SNX8: variants seen among roughly 807,000 people sequenced by gnomAD.
SNX8 encodes sorting nexin-8.
SNX8 carries 25 observed loss-of-function variants against 51.6 expected under a neutral mutation model. The observed-to-expected ratio is 0.48, with a 90% confidence interval of 0.35 to 0.68. The LOEUF is 0.68. SNX8 is among the 30% of genes least tolerant of loss of function. The pLI, the probability that SNX8 is intolerant of heterozygous loss-of-function variation, is 0.00. For synonymous variants in SNX8, 324 were observed against 277.0 expected (o/e 1.17, Z -1.68); for missense variants, 695 against 624.0 (o/e 1.11, Z -1.21).
intron 1 of SNX8, among the ~76,000 whole-genome samples, chr7:2,335,250 T>C (rs2115239801): frequency 6.6e-6 from 1 of 152,006 alleles, no homozygotes; most frequent in Non-Finnish European, 1.5e-5. Context: ...CAGAGGTTCA[T>C]GAACAGCCAA....
At chr7:2,305,002 C>G (rs1562449508) in intron 1 of SNX8, among the ~76,000 whole-genome samples, 1 of 152,182 alleles carries the variant, frequency 6.6e-6, no homozygotes, top group Non-Finnish European at 1.5e-5. Flanking sequence ...TGGCTTTTGG[C>G]TGAGAGTGAG....
intron 6 of SNX8, among the ~76,000 whole-genome samples, chr7:2,263,908 G>A (rs1224028274): frequency 6.6e-6 from 1 of 151,988 alleles, no homozygotes; most frequent in Admixed American, 6.6e-5. Flanking sequence ...GTAGAGACGG[G>A]TTTCACCATC....
intron 1 of SNX8, chr7:2,309,822 C>A: frequency 2.1e-6 from 1 of 471,094 alleles, no homozygotes; most frequent in Non-Finnish European, 4.4e-6. Flanking sequence ...GAGCGAGCAG[C>A]TGCAGGTAAG....
Position 2,326,559 on chromosome 7 carries a change from G to A in SNX8, c.-66+27663C>T, listed in dbSNP as rs901548751. Among the ~76,000 whole-genome samples, 9 of 151,984 alleles carry A rather than the reference G, an allele frequency of 5.9e-5. No individual in the cohort carries two copies. The East Asian group carries it at 1.4e-3, about 23-fold the overall frequency. The stretch of plus-strand genomic sequence containing the variant: ...CGGGAGTCTGTAGTCCCAGCTACTC[G>A]GGAGGCTGAGGCAGGAGAATGGCTT... On this transcript the variant is annotated intron_variant, in intron 1 of 5. Transcript: ENST00000435336.
intron 5 of SNX8, among the ~76,000 whole-genome samples, chr7:2,265,087 G>A (rs1795434009): frequency 6.6e-6 from 1 of 151,828 alleles, no homozygotes; most frequent in East Asian, 1.9e-4. Flanking sequence ...GGGCGCAGTG[G>A]CTCACGCCTG....
At chr7:2,257,155 G>T in intron 9 of SNX8, 132 bp from the exon 10 acceptor site, 2 of 1,258,538 alleles carry the variant, frequency 1.6e-6, no homozygotes, top group Non-Finnish European at 2.1e-6. Flanking sequence ...TTGGAAGGTG[G>T]CGAGGTAAGA....
chr7:2,278,643 G>A (rs1795841086), intron 1 of SNX8, among the ~76,000 whole-genome samples: 1 of 146,864 alleles, frequency 6.8e-6, no homozygotes, highest in Non-Finnish European at 1.5e-5. Context: ...CGGAGTCGAA[G>A]CCGGACTCAC....
At chr7:2,290,403 C>G (rs1269028877) in intron 1 of SNX8, among the ~76,000 whole-genome samples, 1 of 151,624 alleles carries the variant, frequency 6.6e-6, no homozygotes. Flanking sequence ...ACTCCAGAGG[C>G]TGAGGCACGA....
At chr7:2,326,501 T>G (rs1198865218) in intron 1 of SNX8, among the ~76,000 whole-genome samples, 2 of 149,858 alleles carry the variant, frequency 1.3e-5, no homozygotes, top group African/African-American at 2.5e-5. Flanking sequence ...CCGTCTCTAC[T>G]AAAAATACAA....
rs138833172 is a variant in SNX8, at chr7:2,325,645, T to C, written c.-66+28577A>G. Among the ~76,000 whole-genome samples, 1,223 of 151,930 alleles carry C rather than the reference T, an allele frequency of 8.0e-3. 16 individuals carry two copies. Among genetic ancestry groups the C allele is most frequent in the African/African-American group, 0.028 (1,160 of 41,460 alleles). On this transcript the variant is annotated intron_variant, in intron 1 of 5. Transcript: ENST00000435336. ...GAATTTGAGACCAGCTTGGGCAACA[T>C]GGCAAAACCCCGTCTCTACAAAATA...
At chr7:2,299,120 A>G (rs1279774493) in intron 1 of SNX8, among the ~76,000 whole-genome samples, 1 of 152,074 alleles carries the variant, frequency 6.6e-6, no homozygotes, top group Admixed American at 6.6e-5. Context: ...GGACAACGGC[A>G]TCTTGTTCTC....
chr7:2,273,311 G>A (rs961038353), intron 3 of SNX8, among the ~76,000 whole-genome samples: 1 of 151,794 alleles, frequency 6.6e-6, no homozygotes, highest in Admixed American at 6.6e-5. Flanking sequence ...GAGGCCAGGC[G>A]CAGTGGCTCA....
chr7:2,258,958 G>A (rs1795268760), intron 7 of SNX8, among the ~76,000 whole-genome samples: 1 of 152,086 alleles, frequency 6.6e-6, no homozygotes, highest in Non-Finnish European at 1.5e-5. Context: ...CAGCCCCCAC[G>A]GGCGAACCCC....
At chr7:2,308,274 A>C (rs1796590065) in intron 1 of SNX8, among the ~76,000 whole-genome samples, 1 of 152,158 alleles carries the variant, frequency 6.6e-6, no homozygotes, top group Admixed American at 6.6e-5. Flanking sequence ...TTCTGGAGAG[A>C]GCCAGAATTA....
upstream of SNX8, among the ~76,000 whole-genome samples, chr7:2,316,801 T>G (rs1196492866): frequency 6.6e-6 from 1 of 152,154 alleles, no homozygotes. Flanking sequence ...ACTCACTCAC[T>G]CACTCACTGC....
chr7:2,344,185 A>G (rs1295939945), intron 1 of SNX8, among the ~76,000 whole-genome samples: 1 of 151,892 alleles, frequency 6.6e-6, no homozygotes, highest in African/African-American at 2.4e-5. Flanking sequence ...GCGACAGAGC[A>G]AGACTCAGTC....
In SNX8 at chr7:2,351,693, T is replaced by C. The variant is rs553889878; in HGVS notation, c.-66+2529A>G. Among the ~76,000 whole-genome samples the C allele has an allele frequency of 2.3e-3, 350 of 151,516 alleles. 5 individuals are homozygous for C. Among genetic ancestry groups the C allele is most frequent in the African/African-American group, 7.9e-3 (327 of 41,320 alleles). ...AAAAATACAAAAAATTAGCCGGGTGTGGTGGCAGGCGCCTGTAGTCCCAGC... is the reference window on the plus strand; with the variant it reads ...AAAAATACAAAAAATTAGCCGGGTGCGGTGGCAGGCGCCTGTAGTCCCAGC... On this transcript the variant is annotated intron_variant, in intron 1 of 5. Transcript: ENST00000435336.
chr7:2,346,761 CAG>C (rs1213972347), intron 1 of SNX8, among the ~76,000 whole-genome samples: 1 of 71,194 alleles, frequency 1.4e-5, no homozygotes, highest in Non-Finnish European at 3.1e-5. Flanking sequence ...AAAAAAAAAA[CAG>C]AAAAAAATTA....
chr7:2,328,120 G>A (rs1438303127), intron 1 of SNX8, among the ~76,000 whole-genome samples: 2 of 151,932 alleles, frequency 1.3e-5, no homozygotes, highest in Non-Finnish European at 2.9e-5. Flanking sequence ...CATGATCTCA[G>A]CTCACTGCAA....
Sources: gnomAD v4.1 joint callset for allele counts (sites outside exome capture counted in the v4.1 genomes callset) on GRCh38, gnomAD v4.1.1 for gene constraint, MANE v1.5 for transcripts, NCBI Gene and HGNC (gene_info 2026-07-23, HGNC 2026-07-21) for gene names.